Variants in NSD1 observed in about 807,000 individuals in gnomAD.
NSD1 encodes histone-lysine N-methyltransferase, H3 lysine-36 specific.
NSD1 carries 26 observed loss-of-function variants against 242.7 expected under a neutral mutation model. That is an observed-to-expected ratio of 0.11 (90% confidence interval 0.08 to 0.15). The LOEUF (loss-of-function observed/expected upper bound fraction) is 0.15, where lower values mean the gene tolerates loss of function less well. NSD1 is among the 10% of genes least tolerant of loss of function. The pLI is 1.00. For missense variants in NSD1, 2,495 were observed against 3,272.8 expected (o/e 0.76, Z 5.80); for synonymous variants, 1,106 against 1,178.1 (o/e 0.94, Z 1.25).
chr5:177,245,641 T>C (rs1766218197), intron 9 of NSD1, among the ~76,000 whole-genome samples: 1 of 151,456 alleles, frequency 6.6e-6, no homozygotes, highest in Non-Finnish European at 1.5e-5. Flanking sequence ...TCTTTTTTTT[T>C]TTTTTTTGGT....
At chr5:177,217,597 A>G (rs1388176145) in intron 5 of NSD1, among the ~76,000 whole-genome samples, 3 of 148,360 alleles carry the variant, frequency 2.0e-5, no homozygotes, top group African/African-American at 5.0e-5. Context: ...GTCTTTTTAT[A>G]TATAGTCTTT....
chr5:177,179,575 A>G (rs1760488470), intron 2 of NSD1, among the ~76,000 whole-genome samples: 1 of 152,190 alleles, frequency 6.6e-6, no homozygotes. Flanking sequence ...CAAGTATAAA[A>G]CATAGAAAAA....
chr5:177,271,057 G>T (rs1192366982), intron 16 of NSD1, among the ~76,000 whole-genome samples: 1 of 152,110 alleles, frequency 6.6e-6, no homozygotes, highest in African/African-American at 2.4e-5. Context: ...GGAGTATAAG[G>T]AATACCGCAG....
chr5:177,212,300 TA>T (rs572952265), intron 5 of NSD1, 105 bp downstream of exon 5: 3 of 1,155,496 alleles, frequency 2.6e-6, no homozygotes, highest in South Asian at 2.7e-5. Context: ...AAGTATAAAC[TA>T]GCGGGGAAGA....
rs778184680 is a variant in NSD1 at position 177,135,925 on chromosome 5, A to G, written c.822A>G (p.Ile274Met). Residue 274 changes from isoleucine to methionine, a missense_variant, in exon 2 of 23, where the codon ATA becomes ATG. This residue lies in a region of NSD1 where 376 missense variants were observed against 367.4 expected (regional missense o/e 1.02). Transcript: ENST00000439151. ...CAATAGAAGAGCAATTAAACTCAAT[A>G]AATTTATCTTTTCAGGATGATCCAG... is the stretch of plus-strand genomic sequence containing the variant. ...NITIEEQLNSINLSFQDDPDS... is the reference protein window; with the variant it reads ...NITIEEQLNSMNLSFQDDPDS... 9 of 1,613,402 alleles carry G rather than the reference A, an allele frequency of 5.6e-6. No homozygotes were observed. Among genetic ancestry groups the G allele is most frequent in the Admixed American group, 1.7e-5 (1 of 59,998 alleles).
In NSD1 at chr5:177,211,916, C is replaced by T. The variant is rs749199217; in HGVS notation, c.3517C>T (p.Arg1173Cys). Reference sequence around the variant, plus strand: ...CCAAAGGCGCACTAAACCTCGTAAGCGCATGAACAGATTTAAAGAGAAAGA... The same window carrying T: ...CCAAAGGCGCACTAAACCTCGTAAGTGCATGAACAGATTTAAAGAGAAAGA... Reference protein sequence around the residue: ...LNQRRTKPRKRMNRFKEKENS... With the variant: ...LNQRRTKPRKCMNRFKEKENS... The change falls in exon 5 of 23, where the codon CGC becomes TGC. Residue 1173 changes from arginine to cysteine, a missense_variant. Around this residue, in one of 19 missense-constraint regions of NSD1, gnomAD observed 426 missense variants for 411.4 expected, o/e 1.04. Transcript: ENST00000439151. 12 of 1,606,688 alleles carry T rather than the reference C, an allele frequency of 7.5e-6. No homozygotes were observed. Among genetic ancestry groups the T allele is most frequent in the South Asian group, 5.5e-5 (5 of 90,130 alleles).
intron 17 of NSD1, among the ~76,000 whole-genome samples, chr5:177,279,961 ATATTT>A (rs571980602): frequency 0.052 from 7,244 of 139,986 alleles, 296 homozygotes; most frequent in African/African-American, 0.1. Flanking sequence ...TTTAAAGTTC[ATATTT>A]TATTTTATTT....
At chr5:177,212,216 T>TTAA in intron 5 of NSD1, 21 bp downstream of exon 5, 3 of 1,388,858 alleles carry the variant, frequency 2.2e-6, no homozygotes, top group Non-Finnish European at 3.0e-6. Flanking sequence ...CTAAATGTGA[T>TTAA]AAAAAAAAAA....
Position 177,292,125 on chromosome 5 carries a change from G to A in NSD1, c.6430G>A (p.Ala2144Thr), listed in dbSNP as rs761103348. Residue 2144 changes from alanine (A) to threonine (T), a missense_variant, in exon 22 of 23, where the codon GCA (alanine) becomes ACA (threonine). Ala to Thr is a moderately conservative substitution (Grantham distance 58, BLOSUM62 0). This residue lies in a region of NSD1 where 33 missense variants were observed against 134.8 expected (regional missense o/e 0.24). Coordinates refer to ENST00000439151, the MANE Select transcript of NSD1 (RefSeq NM_022455.5). Reference protein sequence around the residue: ...KKPGCPKVYHADCLNLTKRPA... With the variant: ...KKPGCPKVYHTDCLNLTKRPA... The stretch of plus-strand genomic sequence containing the variant: ...ACCAGGCTGCCCAAAAGTTTACCAC[G>A]CAGACTGTCTCAATCTGACCAAGCG... 1 of 1,614,082 alleles carries A rather than the reference G, an allele frequency of 6.2e-7. No individual in the cohort carries two copies. The highest frequency in any genetic ancestry group is 8.5e-7 in the Non-Finnish European group (1 of 1,179,996).
chr5:177,212,296 A>G, intron 5 of NSD1, 101 bp downstream of exon 5: 2 of 1,186,130 alleles, frequency 1.7e-6, no homozygotes, highest in Non-Finnish European at 1.2e-6. Flanking sequence ...AGTGAAGTAT[A>G]AACTAGCGGG....
At chr5:177,183,201 C>T (rs1216704986) in intron 2 of NSD1, among the ~76,000 whole-genome samples, 2 of 152,094 alleles carry the variant, frequency 1.3e-5, no homozygotes, top group African/African-American at 4.8e-5. Context: ...ACATTGAATA[C>T]AACAAAGCAT....
chr5:177,201,961 G>A (rs1387080206), intron 3 of NSD1, among the ~76,000 whole-genome samples: 1 of 151,826 alleles, frequency 6.6e-6, no homozygotes, highest in Non-Finnish European at 1.5e-5. Context: ...GAGGTCGGCA[G>A]TTTGAGATCA....
In NSD1 at chr5:177,135,027, TAA is replaced by T. The variant is rs745321987; in HGVS notation, c.-17-58_-17-57del. 5.4e-4 allele frequency: 794 copies of T among 1,464,050 alleles called. 6 individuals are homozygous for T. The highest frequency in any genetic ancestry group is 3.7e-3 in the South Asian group (322 of 87,650). 90.7% of individuals were successfully genotyped at this position (1,464,050 alleles called of 1,614,324 possible). A position where few individuals can be genotyped will look rare whatever the true frequency, so the allele number is the denominator to read the frequency against. The stretch of plus-strand genomic sequence containing the variant: ...CTAGGCCTTGAAGTGGCTGCCATTT[TAA>T]AGAGTCGAGTCAGATGGCCTATTAA... On this transcript the variant is annotated intron_variant, in intron 1 of 22. Transcript: ENST00000439151.
intron 11 of NSD1, among the ~76,000 whole-genome samples, chr5:177,250,565 T>G (rs914669447): frequency 2.1e-5 from 3 of 142,790 alleles, no homozygotes; most frequent in Non-Finnish European, 3.1e-5. Context: ...AAGGTCAGTT[T>G]TTTTTTTTTT....
intron 2 of NSD1, among the ~76,000 whole-genome samples, chr5:177,157,323 G>T (rs546323013): frequency 6.6e-5 from 10 of 152,120 alleles, no homozygotes; most frequent in African/African-American, 2.2e-4. Flanking sequence ...CGGAGATCGT[G>T]CTGTTGCACT....
rs551845408 is a variant in NSD1 at position 177,150,003 on chromosome 5, C to G, written c.927+13973C>G. On this transcript the variant is annotated intron_variant, in intron 2 of 22. Transcript: ENST00000439151. ...CCAGGCTAGAGTGCAATTGCGTGAT[C>G]TTGGCACACTGCAACCTCTGCCTCC... 2.0e-5 allele frequency among the ~76,000 whole-genome samples: 3 copies of G among 152,260 alleles called. No individual in the cohort carries two copies. In the East Asian group the frequency reaches 5.8e-4, roughly 29 times the overall value.
At chr5:177,278,883 C>A (rs1348615483) in intron 17 of NSD1, among the ~76,000 whole-genome samples, 1 of 152,118 alleles carries the variant, frequency 6.6e-6, no homozygotes, top group Non-Finnish European at 1.5e-5. Flanking sequence ...ACTGGAACAT[C>A]TATTGTCTTT....
chr5:177,170,390 G>A (rs1403696061), intron 2 of NSD1, among the ~76,000 whole-genome samples: 1 of 150,066 alleles, frequency 6.7e-6, no homozygotes, highest in Non-Finnish European at 1.5e-5. Flanking sequence ...TCGCTCTGTC[G>A]CCCAGGCTGG....
chr5:177,261,361 G>A (rs1001213785), intron 14 of NSD1, among the ~76,000 whole-genome samples: 7 of 150,056 alleles, frequency 4.7e-5, no homozygotes, highest in South Asian at 2.1e-4. Context: ...GATTACAGAC[G>A]TGAGCCAGTG....
Sources: gnomAD v4.1 joint callset for allele counts (sites outside exome capture counted in the v4.1 genomes callset) on GRCh38, gnomAD v4.1.1 for gene constraint, gnomAD v4.1.1 regional missense constraint, MANE v1.5 for transcripts, NCBI Gene and HGNC (gene_info 2026-07-23, HGNC 2026-07-21) for gene names.